The following TIMM23B variants were observed in gnomAD, a reference collection of about 807,000 sequenced individuals.
TIMM23B encodes mitochondrial import inner membrane translocase subunit Tim23B.
Under a neutral mutation model 27.3 loss-of-function variants are expected in TIMM23B, and 27 were observed. That is an observed-to-expected ratio of 0.99 (90% CI 0.73 to 1.36). The LOEUF (loss-of-function observed/expected upper bound fraction) is 1.36, where lower values mean the gene tolerates loss of function less well. TIMM23B is among the 40% of genes most tolerant of loss of function. The pLI is 0.00. For missense variants in TIMM23B, 205 were observed against 244.2 expected (o/e 0.84, Z 1.07); for synonymous variants, 73 against 92.4 (o/e 0.79, Z 1.21).
chr10:49,952,262 T>A, intron 3 of TIMM23B, 43 bp downstream of exon 3: 1 of 1,546,462 alleles, frequency 6.5e-7, no homozygotes, highest in Non-Finnish European at 8.9e-7. Context: ...TCAGTTCAAG[T>A]AGTTGAGGGT....
rs566569371 is a variant in TIMM23B, at chr10:49,971,267, T to C, written c.515-1745T>C. On this transcript the variant is annotated intron_variant, in intron 6 of 6. Transcript: ENST00000651259. Reference sequence around the variant, plus strand: ...GTTTATCTGCTGACCTTCCCTCCACTATTGTCCTATGACCCTGCCAAATCC... The same window carrying C: ...GTTTATCTGCTGACCTTCCCTCCACCATTGTCCTATGACCCTGCCAAATCC... Among the ~76,000 whole-genome samples the C allele has an allele frequency of 1.0e-3, 151 of 150,382 alleles. 4 individuals are homozygous for C. In the South Asian group the frequency reaches 0.029, roughly 29 times the overall value.
chr10:49,943,842 G>A (rs1301486206), intron 1 of TIMM23B, among the ~76,000 whole-genome samples: 59 of 148,886 alleles, frequency 4.0e-4, no homozygotes, highest in Admixed American at 1.2e-3. Context: ...TGCCTTTAGT[G>A]ATAAGTGCTG....
intron 6 of TIMM23B, among the ~76,000 whole-genome samples, chr10:49,963,601 G>A (rs1340944810): frequency 6.6e-6 from 1 of 152,244 alleles, no homozygotes; most frequent in Non-Finnish European, 1.5e-5. Flanking sequence ...ATGCACTCCA[G>A]CTTGGGTGAT....
chr10:49,970,670 G>A (rs1195798047), intron 6 of TIMM23B, among the ~76,000 whole-genome samples: 1 of 149,428 alleles, frequency 6.7e-6, no homozygotes, highest in Non-Finnish European at 1.5e-5. Flanking sequence ...GAGGTGGGGG[G>A]CAGCCCCTGC....
At chr10:49,961,813 G>A (rs1459793867) in intron 6 of TIMM23B, among the ~76,000 whole-genome samples, 1 of 149,132 alleles carries the variant, frequency 6.7e-6, no homozygotes, top group Non-Finnish European at 1.5e-5. Flanking sequence ...GTCTTGCTAT[G>A]TTACCCAGGC....
chr10:49,971,331 T>TAA (rs59579331), intron 6 of TIMM23B, among the ~76,000 whole-genome samples: 2 of 117,744 alleles, frequency 1.7e-5, no homozygotes, highest in African/African-American at 6.2e-5. Context: ...CAATAAATAC[T>TAA]AAAAAAAAAA....
intron 6 of TIMM23B, among the ~76,000 whole-genome samples, chr10:49,962,277 A>G (rs1839946235): frequency 6.7e-6 from 1 of 149,614 alleles, no homozygotes; most frequent in African/African-American, 2.5e-5. Context: ...ATCTTGGCTC[A>G]CTGCAACCTC....
intron 5 of TIMM23B, 35 bp downstream of exon 5, chr10:49,955,095 A>C (rs1234689172): frequency 8.1e-6 from 13 of 1,602,520 alleles, no homozygotes; most frequent in Non-Finnish European, 1.1e-5. Context: ...TAAATTGTTA[A>C]CTTAAAGAAA....
chr10:49,963,810 C>A (rs1840009307), intron 6 of TIMM23B, among the ~76,000 whole-genome samples: 1 of 152,070 alleles, frequency 6.6e-6, no homozygotes, highest in Non-Finnish European at 1.5e-5. Context: ...TACTAAAATA[C>A]AAAAACTAGC....
chr10:49,955,019 C>T lies in TIMM23B; in HGVS notation c.362C>T (p.Thr121Ile). Reference protein sequence around the residue: ...PGNVQILNMVTRQGALWANTL... With the variant: ...PGNVQILNMVIRQGALWANTL... The stretch of plus-strand genomic sequence containing the variant: ...CCTGATAGGATTTTGAATATGGTGA[C>T]TAGGCAAGGGGCACTTTGGGCTAAT... Residue 121 changes from threonine to isoleucine, a missense_variant, in exon 5 of 7, where the codon ACT becomes ATT. Coordinates refer to ENST00000651259, the MANE Select transcript of TIMM23B (RefSeq NM_001290117.2). 1.9e-6 allele frequency: 3 copies of T among 1,612,818 alleles called. No individual in the cohort carries two copies. Among genetic ancestry groups the T allele is most frequent in the Non-Finnish European group, 8.5e-7 (1 of 1,179,106 alleles).
chr10:49,954,457 C>G (rs1839645866), intron 4 of TIMM23B: 1 of 196,610 alleles, frequency 5.1e-6, no homozygotes. Context: ...CTGATTCCTT[C>G]TCTTTAATTC....
At chr10:49,959,302 A>G (rs1839821804) in intron 6 of TIMM23B, among the ~76,000 whole-genome samples, 2 of 152,232 alleles carry the variant, frequency 1.3e-5, no homozygotes, top group African/African-American at 2.4e-5. Context: ...TGACATCAGC[A>G]TATTAAACTA....
intron 6 of TIMM23B, among the ~76,000 whole-genome samples, chr10:49,960,914 A>G (rs1419707772): frequency 6.6e-6 from 1 of 151,180 alleles, no homozygotes; most frequent in African/African-American, 2.4e-5. Flanking sequence ...TTAAAATTAC[A>G]TAGAAAGGCA....
chr10:49,968,858 T>C (rs1365973038), intron 6 of TIMM23B, among the ~76,000 whole-genome samples: 3 of 152,060 alleles, frequency 2.0e-5, no homozygotes, highest in African/African-American at 7.2e-5. Flanking sequence ...TTATGAAAAA[T>C]TTGGAAATAT....
intron 1 of TIMM23B, among the ~76,000 whole-genome samples, chr10:49,943,777 C>T (rs1839258691): frequency 1.5e-5 from 2 of 131,560 alleles, no homozygotes; most frequent in East Asian, 2.2e-4. Context: ...AGGACCCTTG[C>T]GCTCACAGAG....
At chr10:49,960,947 A>G (rs2133084585) in intron 6 of TIMM23B, among the ~76,000 whole-genome samples, 1 of 150,174 alleles carries the variant, frequency 6.7e-6, no homozygotes, top group East Asian at 2.0e-4. Flanking sequence ...AGGTTTTTGG[A>G]CAGAGTATTA....
At chr10:49,952,701 C>T (rs1839575461) in intron 4 of TIMM23B, among the ~76,000 whole-genome samples, 168 bp downstream of exon 4, 1 of 149,784 alleles carries the variant, frequency 6.7e-6, no homozygotes, top group African/African-American at 2.5e-5. Flanking sequence ...AATCAGATTA[C>T]TGACTCTAAG....
intron 5 of TIMM23B, among the ~76,000 whole-genome samples, chr10:49,955,814 G>A (rs1839698087): frequency 1.3e-5 from 2 of 152,118 alleles, no homozygotes; most frequent in African/African-American, 4.8e-5. Flanking sequence ...ACAGAATTTG[G>A]AAGCAGTACA....
At chr10:49,945,179 A>G (rs1839317109) in intron 2 of TIMM23B, 89 bp downstream of exon 2, 10 of 1,360,008 alleles carry the variant, frequency 7.4e-6, no homozygotes, top group South Asian at 4.9e-5. Context: ...TATGACATAC[A>G]CTTCTGGAGG....
Sources: allele counts gnomAD v4.1 joint callset (sites outside exome capture counted in the v4.1 genomes callset), GRCh38; gene constraint gnomAD v4.1.1; transcripts MANE v1.5; gene names NCBI Gene and HGNC (gene_info 2026-07-23, HGNC 2026-07-21).